SLMAP: variants seen among roughly 807,000 people sequenced by gnomAD.
SLMAP encodes the protein sarcolemma associated protein.
A neutral mutation model predicts 128.8 loss-of-function variants in SLMAP; 44 were observed. The ratio of observed to expected loss-of-function variants is 0.34; its 90% CI spans 0.27 to 0.44. The LOEUF (loss-of-function observed/expected upper bound fraction) is 0.44, where lower values mean the gene tolerates loss of function less well. Among genes scored for constraint, SLMAP ranks in the 20% least tolerant of loss-of-function variants. The pLI, the probability that SLMAP is intolerant of heterozygous loss-of-function variation, is 1.00. For synonymous variants in SLMAP, 327 were observed against 348.8 expected (o/e 0.94, Z 0.70); for missense variants, 787 against 985.3 (o/e 0.80, Z 2.69).
At chr3:57,857,370 A>G (rs1243008856) in intron 6 of SLMAP, among the ~76,000 whole-genome samples, 2 of 152,316 alleles carry the variant, frequency 1.3e-5, no homozygotes, top group South Asian at 2.1e-4. Flanking sequence ...TTTCCTATAT[A>G]TACACATACC....
At chr3:57,869,629 A>AC (rs2095419813) in intron 13 of SLMAP, among the ~76,000 whole-genome samples, 2 of 34,960 alleles carry the variant, frequency 5.7e-5, no homozygotes, top group East Asian at 2.2e-3. Context: ...TCCCATCTCT[A>AC]TTATATATAT....
At chr3:57,887,793 C>T (rs187171417) in intron 14 of SLMAP, among the ~76,000 whole-genome samples, 4 of 152,240 alleles carry the variant, frequency 2.6e-5, no homozygotes, top group Non-Finnish European at 5.9e-5. Flanking sequence ...ATGTGCAGTC[C>T]TCCCTGATGC....
chr3:57,850,253 T>G (rs1480625068), intron 6 of SLMAP, among the ~76,000 whole-genome samples: 1 of 152,010 alleles, frequency 6.6e-6, no homozygotes, highest in East Asian at 1.9e-4. Flanking sequence ...AATGGCTGGA[T>G]GCAAATAGAA....
intron 14 of SLMAP, among the ~76,000 whole-genome samples, chr3:57,878,228 T>A (rs1161133972): frequency 1.3e-5 from 2 of 152,216 alleles, no homozygotes; most frequent in African/African-American, 4.8e-5. Flanking sequence ...TTACTTTAAC[T>A]GATTAAATTT....
chr3:57,872,492 G>A (rs547997356), intron 14 of SLMAP, among the ~76,000 whole-genome samples: 207 of 152,084 alleles, frequency 1.4e-3, no homozygotes, highest in Non-Finnish European at 8.8e-4. Context: ...GGTGGCAGGC[G>A]CCTATAATCC....
intron 2 of SLMAP, 134 bp downstream of exon 2, chr3:57,757,983 A>G: frequency 1.4e-6 from 1 of 711,872 alleles, no homozygotes. Context: ...CCACGAATCA[A>G]CTGTTTGTGT....
chr3:57,896,701 C>A (rs1460213500), intron 16 of SLMAP, 110 bp downstream of exon 16: 2 of 1,251,944 alleles, frequency 1.6e-6, no homozygotes, highest in South Asian at 1.5e-5. Flanking sequence ...AAAAAAAACG[C>A]TTCCATTTAT....
chr3:57,831,482 G>A lies in SLMAP; in HGVS notation c.298G>A (p.Gly100Ser). Residue 100 changes from glycine to serine, a missense_variant, in exon 3 of 25, where the codon GGT becomes AGT. By Grantham distance (56) the Gly-to-Ser change is moderately conservative. Transcript: ENST00000671191. Reference sequence around the variant, plus strand: ...AAGTCCACCATGTGAAATTCTTTCCGGTGACATTATCCAGTTTGGAGTAGA... The same window carrying A: ...AAGTCCACCATGTGAAATTCTTTCCAGTGACATTATCCAGTTTGGAGTAGA... ...EESPPCEILS[G>S]DIIQFGVDVT... 2.5e-6 allele frequency: 4 copies of A among 1,594,708 alleles called. No individual in the cohort carries two copies. Among genetic ancestry groups the A allele is most frequent in the Non-Finnish European group, 3.4e-6 (4 of 1,169,748 alleles).
In SLMAP at chr3:57,929,269, A is replaced by G. The variant is rs2097048012; in HGVS notation, c.*1980A>G. 1 of 152,622 alleles carries G rather than the reference A, an allele frequency of 6.6e-6. No homozygotes were observed. The highest frequency in any genetic ancestry group is 1.5e-5 in the Non-Finnish European group (1 of 68,028). The allele number at this position is 152,622 out of a possible 1,614,324, so 9.5% of individuals were successfully genotyped here. ...CATGACTCTTTATGCAACATAACAT[A>G]CATTTGGTATTCTTCAGGGTTTAAA... On this transcript the variant is annotated 3_prime_UTR_variant, in exon 25 of 25. Transcript: ENST00000671191.
chr3:57,787,735 C>T (rs946758254), intron 2 of SLMAP, among the ~76,000 whole-genome samples: 2 of 152,172 alleles, frequency 1.3e-5, no homozygotes, highest in African/African-American at 4.8e-5. Context: ...CTCAGCCTCC[C>T]AAAAGTGCTG....
chr3:57,779,934 G>A (rs982219258), intron 2 of SLMAP, among the ~76,000 whole-genome samples: 4 of 151,696 alleles, frequency 2.6e-5, no homozygotes, highest in Admixed American at 1.3e-4. Context: ...TGGGTACACC[G>A]ACTTTTTTTT....
intron 22 of SLMAP, among the ~76,000 whole-genome samples, chr3:57,920,806 G>A (rs1044339115): frequency 6.6e-6 from 1 of 152,088 alleles, no homozygotes; most frequent in African/African-American, 2.4e-5. Flanking sequence ...CTCAAGGTCA[G>A]GAGTTCGAGA....
chr3:57,758,679 G>A (rs116609070), intron 2 of SLMAP, among the ~76,000 whole-genome samples: 1 of 152,242 alleles, frequency 6.6e-6, no homozygotes, highest in East Asian at 1.9e-4. Context: ...AACCAATTTA[G>A]TATTTTTATG....
At chr3:57,772,736 G>A (rs1255672910) in intron 2 of SLMAP, among the ~76,000 whole-genome samples, 2 of 152,024 alleles carry the variant, frequency 1.3e-5, no homozygotes, top group Admixed American at 1.3e-4. Flanking sequence ...TGCCTCCCAG[G>A]TTTAATCGAT....
At chr3:57,812,862 T>C (rs1265766232) in intron 2 of SLMAP, among the ~76,000 whole-genome samples, 1 of 152,072 alleles carries the variant, frequency 6.6e-6, no homozygotes, top group Non-Finnish European at 1.5e-5. Flanking sequence ...CTCCCTAAGT[T>C]AGTTCTTTTT....
At chr3:57,817,681 C>T (rs1320004517) in intron 2 of SLMAP, among the ~76,000 whole-genome samples, 1 of 152,094 alleles carries the variant, frequency 6.6e-6, no homozygotes, top group Non-Finnish European at 1.5e-5. Context: ...TCATAGTGTT[C>T]TGAAGTTTAG....
intron 6 of SLMAP, among the ~76,000 whole-genome samples, chr3:57,852,070 C>T (rs1277933457): frequency 1.3e-5 from 2 of 152,112 alleles, no homozygotes; most frequent in African/African-American, 2.4e-5. Flanking sequence ...GCCACCACGC[C>T]TGGCTAATTT....
chr3:57,796,161 C>G (rs1045419300), intron 2 of SLMAP, among the ~76,000 whole-genome samples: 6 of 152,148 alleles, frequency 3.9e-5, no homozygotes, highest in Non-Finnish European at 5.9e-5. Context: ...TTTAAAACAT[C>G]CACCAATATA....
intron 10 of SLMAP, among the ~76,000 whole-genome samples, chr3:57,862,488 A>AT (rs2095124180): frequency 6.7e-6 from 1 of 148,858 alleles, no homozygotes; most frequent in Non-Finnish European, 1.5e-5. Flanking sequence ...AAATACAAAA[A>AT]TTAGCTGGGC....
Sources: gnomAD v4.1 joint callset for allele counts (sites outside exome capture counted in the v4.1 genomes callset) on GRCh38, gnomAD v4.1.1 for gene constraint, MANE v1.5 for transcripts, NCBI Gene and HGNC (gene_info 2026-07-23, HGNC 2026-07-21) for gene names.